Variants in ZDHHC14 observed in about 807,000 individuals in gnomAD.
ZDHHC14 encodes palmitoyltransferase ZDHHC14.
Under a neutral mutation model 47.7 loss-of-function variants are expected in ZDHHC14, and 16 were observed. The ratio of observed to expected loss-of-function variants is 0.34; its 90% confidence interval spans 0.23 to 0.51. The LOEUF is 0.51. ZDHHC14 is among the 20% of genes least tolerant of loss of function. ZDHHC14 has a pLI of 0.97. For synonymous variants in ZDHHC14, 293 were observed against 278.9 expected (o/e 1.05, Z -0.50); for missense variants, 515 against 662.5 (o/e 0.78, Z 2.44).
chr6:157,449,058 C>T (rs773216278), intron 1 of ZDHHC14, among the ~76,000 whole-genome samples: 27 of 152,178 alleles, frequency 1.8e-4, no homozygotes, highest in Non-Finnish European at 3.2e-4. Context: ...TGAGTGCAGG[C>T]CTCTTCACAT....
Position 157,403,427 on chromosome 6 carries a change from A to G in ZDHHC14, c.245+21161A>G, listed in dbSNP as rs146136736. Reference sequence around the variant, plus strand: ...TTATTTTCTTCAATGTTTTACCCTTACTCAACCTATGCACCTGGGAAAGGG... The same window carrying G: ...TTATTTTCTTCAATGTTTTACCCTTGCTCAACCTATGCACCTGGGAAAGGG... On this transcript the variant is annotated intron_variant, in intron 1 of 8. Transcript: ENST00000359775. Among the ~76,000 whole-genome samples the G allele has an allele frequency of 2.1e-4, 32 of 152,214 alleles. No homozygotes were observed. The East Asian group carries it at 6.2e-3, about 29-fold the overall frequency.
intron 1 of ZDHHC14, among the ~76,000 whole-genome samples, chr6:157,473,892 C>T (rs1779414436): frequency 6.6e-6 from 1 of 151,090 alleles, no homozygotes; most frequent in Middle Eastern, 3.2e-3. Context: ...TATCTATATG[C>T]AAATATCCCC....
intron 1 of ZDHHC14, among the ~76,000 whole-genome samples, chr6:157,538,712 G>A (rs1341893992): frequency 6.6e-6 from 1 of 152,106 alleles, no homozygotes; most frequent in Non-Finnish European, 1.5e-5. Flanking sequence ...AGAAAGAAGC[G>A]ATCCCTTCTG....
At position 157,554,045 on chromosome 6, in the gene ZDHHC14, G is replaced by A. The variant is rs547236408; in HGVS notation, c.406+11300G>A. On this transcript the variant is annotated intron_variant, in intron 2 of 8. Coordinates refer to ENST00000359775, the MANE Select transcript of ZDHHC14 (RefSeq NM_024630.3). Reference sequence around the variant, plus strand: ...TTGGCTGACATAGATAGACAGAAGCGAACACCATTTATTCAGAAACTGTAG... The same window carrying A: ...TTGGCTGACATAGATAGACAGAAGCAAACACCATTTATTCAGAAACTGTAG... 1.2e-4 allele frequency among the ~76,000 whole-genome samples: 19 copies of A among 152,300 alleles called. No individual in the cohort carries two copies. In the South Asian group the frequency reaches 2.5e-3, roughly 20 times the overall value.
intron 3 of ZDHHC14, among the ~76,000 whole-genome samples, chr6:157,615,251 T>C (rs1465992317): frequency 1.3e-5 from 2 of 152,188 alleles, no homozygotes; most frequent in African/African-American, 4.8e-5. Context: ...CAGCTTTATG[T>C]GAACAACAAG....
intron 1 of ZDHHC14, among the ~76,000 whole-genome samples, chr6:157,413,557 A>G (rs146094382): frequency 4.0e-3 from 609 of 150,594 alleles, no homozygotes; most frequent in Non-Finnish European, 6.9e-3. Flanking sequence ...TTTTAAAGGT[A>G]TCTCTGTTTT....
chr6:157,587,408 C>T (rs1783736152), intron 2 of ZDHHC14, among the ~76,000 whole-genome samples: 1 of 152,218 alleles, frequency 6.6e-6, no homozygotes, highest in Non-Finnish European at 1.5e-5. Flanking sequence ...CTTCTTAAGG[C>T]CCCTGCTTTT....
At chr6:157,600,637 C>G (rs553693059) in intron 3 of ZDHHC14, among the ~76,000 whole-genome samples, 2 of 152,172 alleles carry the variant, frequency 1.3e-5, no homozygotes, top group Admixed American at 6.5e-5. Context: ...AACTACTGAC[C>G]TCAAGTGATT....
intron 2 of ZDHHC14, among the ~76,000 whole-genome samples, 173 bp downstream of exon 2, chr6:157,542,918 G>T (rs2365610): frequency 0.4 from 61,299 of 152,038 alleles, 12,452 homozygotes; most frequent in Admixed American, 0.45. Context: ...AGAAGAGGTG[G>T]GATATAAGGC....
At chr6:157,428,780 C>T (rs1250851602) in intron 1 of ZDHHC14, among the ~76,000 whole-genome samples, 1 of 152,142 alleles carries the variant, frequency 6.6e-6, no homozygotes, top group Non-Finnish European at 1.5e-5. Context: ...GTTGTTGCTC[C>T]TTACATAAAG....
chr6:157,621,438 T>G (rs1023267347), intron 3 of ZDHHC14, among the ~76,000 whole-genome samples: 1 of 152,154 alleles, frequency 6.6e-6, no homozygotes, highest in Non-Finnish European at 1.5e-5. Context: ...AATTAGAAAT[T>G]TAAACTTCAA....
Position 157,542,599 on chromosome 6 carries a change from C to T in ZDHHC14, c.260C>T (p.Ala87Val), listed in dbSNP as rs763920977. ...CCTGTCGGCAGCTGTCCGTACCTGGCGGTGAAAATCACCCCTGCCATCCCT... is the reference window on the plus strand; with the variant it reads ...CCTGTCGGCAGCTGTCCGTACCTGGTGGTGAAAATCACCCCTGCCATCCCT... Reference protein sequence around the residue: ...LFFAFDCPYLAVKITPAIPAV... With the variant: ...LFFAFDCPYLVVKITPAIPAV... Residue 87 changes from alanine to valine, a missense_variant, in exon 2 of 9, where the codon GCG becomes GTG. This residue lies in a region of ZDHHC14 where 229 missense variants were observed against 351.5 expected (regional missense o/e 0.65). Transcript: ENST00000359775. 4.3e-6 allele frequency: 7 copies of T among 1,613,986 alleles called. No individual in the cohort carries two copies. The highest frequency in any genetic ancestry group is 3.3e-5 in the Admixed American group (2 of 60,002).
At chr6:157,559,539 A>G (rs1267500653) in intron 2 of ZDHHC14, among the ~76,000 whole-genome samples, 2 of 152,234 alleles carry the variant, frequency 1.3e-5, no homozygotes, top group African/African-American at 4.8e-5. Flanking sequence ...CAGGTCTCCC[A>G]AGGAGAGCCC....
At chr6:157,635,891 T>G in intron 5 of ZDHHC14, among the ~76,000 whole-genome samples, 1 of 151,986 alleles carries the variant, frequency 6.6e-6, no homozygotes, top group African/African-American at 2.4e-5. Flanking sequence ...AGGTAAAGAG[T>G]TTTCCCTATT....
At chr6:157,616,553 A>G (rs994953921) in intron 3 of ZDHHC14, among the ~76,000 whole-genome samples, 1 of 152,166 alleles carries the variant, frequency 6.6e-6, no homozygotes, top group Non-Finnish European at 1.5e-5. Flanking sequence ...CCCTGTGCCC[A>G]GCAGGAAAGG....
intron 1 of ZDHHC14, among the ~76,000 whole-genome samples, chr6:157,511,525 C>A (rs559026519): frequency 2.0e-5 from 3 of 148,820 alleles, no homozygotes; most frequent in African/African-American, 7.5e-5. Flanking sequence ...GGATTACAGG[C>A]ATGCGCCACG....
At chr6:157,447,470 G>A (rs983592696) in intron 1 of ZDHHC14, among the ~76,000 whole-genome samples, 1 of 152,246 alleles carries the variant, frequency 6.6e-6, no homozygotes, top group Non-Finnish European at 1.5e-5. Context: ...GCTGCTTGGG[G>A]TAGGCACCCC....
At chr6:157,562,433 C>T (rs1337669513) in intron 2 of ZDHHC14, among the ~76,000 whole-genome samples, 1 of 152,164 alleles carries the variant, frequency 6.6e-6, no homozygotes, top group African/African-American at 2.4e-5. Flanking sequence ...TTCCGCTGTC[C>T]CTGGCTGGCC....
At chr6:157,536,829 T>TCTGAGCAGAGGAAGGATGCACTCTGA (rs1331820512) in intron 1 of ZDHHC14, among the ~76,000 whole-genome samples, 1 of 46,204 alleles carries the variant, frequency 2.2e-5, no homozygotes, top group African/African-American at 9.6e-5. Context: ...CTTTTTTTTT[T>TCTGAGCAGAGGAAGGATGCACTCTGA]TTTTTTTGAG....
Sources: gnomAD v4.1 joint callset for allele counts (sites outside exome capture counted in the v4.1 genomes callset) on GRCh38, gnomAD v4.1.1 for gene constraint, gnomAD v4.1.1 regional missense constraint, MANE v1.5 for transcripts, NCBI Gene and HGNC (gene_info 2026-07-23, HGNC 2026-07-21) for gene names.